Variants in TNXB observed in about 807,000 individuals in gnomAD.
TNXB encodes the protein tenascin XB.
In TNXB, 183 loss-of-function variants were observed where a neutral mutation model predicts 340.5. The observed-to-expected ratio is 0.54, with a 90% CI of 0.48 to 0.61. The LOEUF is 0.61. Ranked by LOEUF, TNXB falls within the 20% of genes least tolerant of loss-of-function variation. TNXB has a pLI of 0.00. For synonymous variants in TNXB, 2,121 were observed against 2,314.5 expected (o/e 0.92, Z 2.40); for missense variants, 4,613 against 5,446.4 (o/e 0.85, Z 4.82).
chr6:32,049,044 C>T lies in TNXB; in HGVS notation c.9757+226G>A, dbSNP rs1288273086. ...GAGCACACGAGCAACATGGAGGTTC[C>T]AGATCACAATGGGAGAAGGAAGCTA... On this transcript the variant is annotated intron_variant, in intron 28 of 43. Transcript: ENST00000644971. This position sits in a 1 kb window ranked among gnomAD's most constrained non-coding sequence, Gnocchi z 4.5. Among the ~76,000 whole-genome samples, 1 of 152,184 alleles carries T rather than the reference C, an allele frequency of 6.6e-6. No individual in the cohort carries two copies. The highest frequency in any genetic ancestry group is 1.5e-5 in the Non-Finnish European group (1 of 68,038).
chr6:32,073,528 G>T lies in TNXB; in HGVS notation c.4681+119C>A. On this transcript the variant is annotated intron_variant, in intron 12 of 43. Coordinates refer to ENST00000644971, the MANE Select transcript of TNXB (RefSeq NM_001365276.2). This position sits in a 1 kb window ranked among gnomAD's most constrained non-coding sequence, Gnocchi z 4.6. Reference sequence around the variant, plus strand: ...TGGCAGGGTCACCGAGCCAGGGCCTGAGGGGATCTAGCCCCTCAGTGAGGG... The same window carrying T: ...TGGCAGGGTCACCGAGCCAGGGCCTTAGGGGATCTAGCCCCTCAGTGAGGG... The T allele has an allele frequency of 1.1e-6, 1 of 878,394 alleles. No individual in the cohort carries two copies. Among genetic ancestry groups the T allele is most frequent in the Non-Finnish European group, 1.7e-6 (1 of 579,636 alleles). 54.4% of individuals were successfully genotyped at this position (878,394 alleles called of 1,614,324 possible). A position where few individuals can be genotyped will look rare whatever the true frequency, so the allele number is the denominator to read the frequency against.
In TNXB at chr6:32,084,537, G is replaced by A. The variant is rs1443329191; in HGVS notation, c.3321C>T (p.Pro1107=). 21 of 1,608,608 alleles carry A rather than the reference G, an allele frequency of 1.3e-5. No homozygotes were observed. The highest frequency in any genetic ancestry group is 1.5e-5 in the Non-Finnish European group (18 of 1,178,670). ...CGGCCGAGCGCTGGGGTCCTTCCAC[G>A]GGCACCACCTGGGGCTGCCCGTCCC... The part of the protein sequence containing the change: ...KDRDGQPQVV[P]VEGPQRSAVI... The change falls in exon 8 of 44, where the codon CCC becomes CCT. Residue 1107 remains proline, a synonymous_variant. Transcript: ENST00000644971. The surrounding 1 kb of genome is among the most constrained non-coding windows in gnomAD (Gnocchi z 5.5).
At chr6:32,056,931 C>G (rs774048041) in intron 22 of TNXB, 28 bp from the exon 23 acceptor site, 25 of 1,604,160 alleles carry the variant, frequency 1.6e-5, no homozygotes, top group African/African-American at 6.7e-5. Flanking sequence ...CGTGTGGGGA[C>G]AGTGAGGTCC....
chr6:32,068,678 G>T lies in TNXB; in HGVS notation c.5932C>A (p.Pro1978Thr), dbSNP rs769676960. 8 of 1,613,754 alleles carry T rather than the reference G, an allele frequency of 5.0e-6. No homozygotes were observed. The highest frequency in any genetic ancestry group is 6.8e-6 in the Non-Finnish European group (8 of 1,179,856). The change falls in exon 17 of 44, where the codon CCC becomes ACC. Residue 1978 changes from proline to threonine, a missense_variant. Coordinates refer to ENST00000644971, the MANE Select transcript of TNXB (RefSeq NM_001365276.2). The surrounding 1 kb of genome is among the most constrained non-coding windows in gnomAD (Gnocchi z 5.3). The part of the protein sequence containing the change: ...VPEEEKPSEP[P>T]TATPEPPIKP... ...ATGGGGGGCTCGGGGGTTGCGGTGG[G>T]AGGTTCTGAAGGCTTCTCCTCCTCC...
chr6:32,057,531 G>A (rs1777739629), intron 22 of TNXB, among the ~76,000 whole-genome samples: 1 of 152,134 alleles, frequency 6.6e-6, no homozygotes, highest in Admixed American at 6.5e-5. Flanking sequence ...ACAGCTGCTG[G>A]GGCCATCTCA....
chr6:32,062,443 T>C lies in TNXB; in HGVS notation c.6882A>G (p.Glu2294=), dbSNP rs1778089326. The part of the protein sequence containing the change: ...KDEEMAPAST[E]PPTPEPPIKP... ...TGATGGGGGGTTCAGGGGTGGGAGG[T>C]TCTGTCGAGGCTGGGGCCATTTCTT... Residue 2294 remains glutamate, a synonymous_variant, in exon 20 of 44, where the codon GAA becomes GAG. Transcript: ENST00000644971. The surrounding 1 kb of genome is among the most constrained non-coding windows in gnomAD (Gnocchi z 4.3). The C allele has an allele frequency of 6.2e-7, 1 of 1,610,964 alleles. No homozygotes were observed. Among genetic ancestry groups the C allele is most frequent in the Non-Finnish European group, 8.5e-7 (1 of 1,178,564 alleles).
At position 32,095,700 on chromosome 6, in the gene TNXB, G is replaced by A. The variant is rs751521012; in HGVS notation, c.2153C>T (p.Thr718Ile). Reference sequence around the variant, plus strand: ...TCGGCCACGGCAGTCCCCTGGGCATGTCTGGATGGCACAGTCAGGGCCTCG... The same window carrying A: ...TCGGCCACGGCAGTCCCCTGGGCATATCTGGATGGCACAGTCAGGGCCTCG... ...GFRGPDCAIQ[T>I]CPGDCRGRGE... Residue 718 changes from threonine to isoleucine, a missense_variant, in exon 3 of 44, where the codon ACA becomes ATA. Transcript: ENST00000644971. The A allele has an allele frequency of 1.2e-6, 2 of 1,610,868 alleles. No homozygotes were observed.
Position 32,055,848 on chromosome 6 carries a change from C to G in TNXB, c.8467+3G>C, listed in dbSNP as rs1366925104. The G allele has an allele frequency of 6.2e-7, 1 of 1,608,358 alleles. No homozygotes were observed. The highest frequency in any genetic ancestry group is 8.5e-7 in the Non-Finnish European group (1 of 1,176,010). ...GCCATCTTCCTCACTCACAAACACT[C>G]ACCTGTCACACCCACGGTGGACACC... is the stretch of plus-strand genomic sequence containing the variant. On this transcript the variant is annotated splice_donor_region_variant and intron_variant, in intron 24 of 43. Coordinates refer to ENST00000644971, the MANE Select transcript of TNXB (RefSeq NM_001365276.2).
At position 32,096,250 on chromosome 6, in the gene TNXB, G is replaced by A. The variant is rs773458670; in HGVS notation, c.1603C>T (p.His535Tyr). The change falls in exon 3 of 44, where the codon CAC (histidine) becomes TAC (tyrosine). Residue 535 changes from histidine (H) to tyrosine (Y), a missense_variant. Coordinates refer to ENST00000644971, the MANE Select transcript of TNXB (RefSeq NM_001365276.2). ...CACACGCCATCCTCGCAAAGGCCGT[G>A]CCCACGGCAGTCCCCGGGACAGCGA... is the stretch of plus-strand genomic sequence containing the variant. ...SRRCPGDCRG[H>Y]GLCEDGVCVC... 6.4e-7 allele frequency: 1 copy of A among 1,567,278 alleles called. No homozygotes were observed. Among genetic ancestry groups the A allele is most frequent in the Non-Finnish European group, 8.6e-7 (1 of 1,160,286 alleles).
Position 32,073,844 on chromosome 6 carries a change from G to A in TNXB, c.4484C>T (p.Thr1495Ile), listed in dbSNP as rs6910390. 7.1e-3 allele frequency: 11,414 copies of A among 1,611,922 alleles called. 62 individuals are homozygous for A. Among genetic ancestry groups the A allele is most frequent in the African/African-American group, 0.016 (1,196 of 74,984 alleles). Residue 1495 changes from threonine to isoleucine, a missense_variant, in exon 12 of 44, where the codon ACA becomes ATA. Thr to Ile is a moderately conservative substitution (Grantham distance 89, BLOSUM62 -1). This residue lies in a region of TNXB where 4,327 missense variants were observed against 4,859.4 expected (regional missense o/e 0.89). Coordinates refer to ENST00000644971, the MANE Select transcript of TNXB (RefSeq NM_001365276.2). This position sits in a 1 kb window ranked among gnomAD's most constrained non-coding sequence, Gnocchi z 4.6. ...GGAGTCAAACTGGCCCTCGGGGACT[G>A]TCCAGGAGAGGCCCACAGAGTTGGG... ...VTPNSVGLSW[T>I]VPEGQFDSFI...
chr6:32,088,730 G>A (rs1779931964), intron 6 of TNXB, 55 bp downstream of exon 6: 1 of 1,531,616 alleles, frequency 6.5e-7, no homozygotes, highest in Admixed American at 2.0e-5. Context: ...CTCCTGAGGA[G>A]GAGGATCCAA....
intron 11 of TNXB, among the ~76,000 whole-genome samples, chr6:32,078,047 A>G (rs1031231909): frequency 7.5e-5 from 11 of 147,646 alleles, no homozygotes; most frequent in African/African-American, 2.0e-4. Flanking sequence ...AAAAGAAAGA[A>G]AGAGAGAGAG....
At chr6:32,053,085 G>A in intron 25 of TNXB, 92 bp from the exon 26 acceptor site, 4 of 1,361,972 alleles carry the variant, frequency 2.9e-6, no homozygotes, top group Non-Finnish European at 4.0e-6. Flanking sequence ...GGCCATGAGT[G>A]GGGGTCCTGG....
At position 32,096,341 on chromosome 6, in the gene TNXB, G is replaced by C. The variant is rs886255496; in HGVS notation, c.1512C>G (p.Arg504=). 1.3e-6 allele frequency: 2 copies of C among 1,548,574 alleles called. No individual in the cohort carries two copies. The highest frequency in any genetic ancestry group is 2.7e-5 in the African/African-American group (2 of 73,012). The change falls in exon 3 of 44, where the codon CGC becomes CGG. Residue 504 remains arginine (R), a synonymous_variant. Coordinates refer to ENST00000644971, the MANE Select transcript of TNXB (RefSeq NM_001365276.2). ...CGCAGCGGCCATCCACGCAGCGCCC[G>C]CGCCCGCGACAGTCGCCAGGACAGG... ...TRACPGDCRG[R]GRCVDGRCVC... is the part of the protein sequence containing the mutation.
Position 32,068,278 on chromosome 6 carries a change from C to T in TNXB, c.6220+112G>A, listed in dbSNP as rs116317248. ...GGGGAGCCCCAGCCCCAGCCACAAG[C>T]AGGTCTGTGGTGCTGACCAGACCCT... is the stretch of plus-strand genomic sequence containing the variant. On this transcript the variant is annotated intron_variant, in intron 17 of 43. Transcript: ENST00000644971. This position sits in a 1 kb window ranked among gnomAD's most constrained non-coding sequence, Gnocchi z 5.3. 8.8e-3 allele frequency: 12,497 copies of T among 1,427,908 alleles called. 65 individuals carry two copies. The highest frequency in any genetic ancestry group is 0.011 in the Non-Finnish European group (11,406 of 1,058,256). The allele number at this position is 1,427,908 out of a possible 1,614,324, so 88.5% of individuals were successfully genotyped here.
intron 3 of TNXB, 82 bp from the exon 4 acceptor site, chr6:32,095,273 C>T (rs1002452149): frequency 3.8e-6 from 4 of 1,061,878 alleles, no homozygotes; most frequent in Non-Finnish European, 5.6e-6. Flanking sequence ...TCAGGGACAT[C>T]GAAGAGGCCC....
In TNXB at chr6:32,043,548, C is replaced by T. The variant is rs199688928; in HGVS notation, c.11539G>A (p.Gly3847Ser). 3,760 of 991,488 alleles carry T rather than the reference C, an allele frequency of 3.8e-3. 31 individuals are homozygous for T. Among genetic ancestry groups the T allele is most frequent in the Middle Eastern group, 0.019 (62 of 3,318 alleles). The allele number at this position is 991,488 out of a possible 1,614,324, so 61.4% of individuals were successfully genotyped here. ...LTGFLTTVPD[G>S]PTQLRALNLT... ...TTCAGTGCACGCAACTGTGTGGGAC[C>T]GTCAGGAACTGGGGGAAGGGGAGGG... Residue 3847 changes from glycine to serine, a missense_variant, in exon 36 of 44, where the codon GGT (glycine) becomes AGT (serine). Gly to Ser is a moderately conservative substitution (Grantham distance 56, BLOSUM62 0). Transcript: ENST00000644971.
rs984372605 is a variant in TNXB, at chr6:32,051,796, A to G, written c.9115+874T>C. On this transcript the variant is annotated intron_variant, in intron 26 of 43. Coordinates refer to ENST00000644971, the MANE Select transcript of TNXB (RefSeq NM_001365276.2). This position sits in a 1 kb window ranked among gnomAD's most constrained non-coding sequence, Gnocchi z 4.7. Reference sequence around the variant, plus strand: ...TGATGCTACGACATAGATGAACCTTAAAGACATTGTATTTAATGAAATGAA... The same window carrying G: ...TGATGCTACGACATAGATGAACCTTGAAGACATTGTATTTAATGAAATGAA... Among the ~76,000 whole-genome samples, 2 of 152,216 alleles carry G rather than the reference A, an allele frequency of 1.3e-5. No individual in the cohort carries two copies. The highest frequency in any genetic ancestry group is 4.8e-5 in the African/African-American group (2 of 41,448).
Position 32,085,761 on chromosome 6 carries a change from T to C in TNXB, c.3137A>G (p.Gln1046Arg), listed in dbSNP as rs757779114. ...GGKPSDPIIY[Q>R]GIMDKDEEKP... is the part of the protein sequence containing the mutation. ...AGTCCAAGATGTACCCATAATGCCT[T>C]GGTAGATGATGGGGTCAGAGGGCTT... Residue 1046 changes from glutamine to arginine, a missense_variant, in exon 7 of 44, where the codon CAA becomes CGA. By Grantham distance (43) the Gln-to-Arg change is conservative. Transcript: ENST00000644971. The surrounding 1 kb of genome is among the most constrained non-coding windows in gnomAD (Gnocchi z 6.4). 2 of 1,546,800 alleles carry C rather than the reference T, an allele frequency of 1.3e-6. No homozygotes were observed. The highest frequency in any genetic ancestry group is 1.2e-5 in the South Asian group (1 of 80,076).
Sources: gnomAD v4.1 joint callset for allele counts (sites outside exome capture counted in the v4.1 genomes callset) on GRCh38, gnomAD v4.1.1 for gene constraint, gnomAD v4.1.1 regional missense constraint, Gnocchi (gnomAD v3.1) non-coding constraint, MANE v1.5 for transcripts, NCBI Gene and HGNC (gene_info 2026-07-23, HGNC 2026-07-21) for gene names.